EPHX2: variants seen among roughly 807,000 people sequenced by gnomAD.
The protein encoded by EPHX2 is epoxide hydrolase 2.
EPHX2 carries 74 observed loss-of-function variants against 78.7 expected under a neutral mutation model. That is an observed-to-expected ratio of 0.94 (90% CI 0.78 to 1.14). The LOEUF is 1.14. Among genes scored for constraint, EPHX2 ranks in the 50% most tolerant of loss-of-function variants. The pLI, the probability that EPHX2 is intolerant of heterozygous loss-of-function variation, is 0.00. For synonymous variants in EPHX2, 251 were observed against 255.2 expected (o/e 0.98, Z 0.16); for missense variants, 715 against 702.5 (o/e 1.02, Z -0.20).
Position 27,525,478 on chromosome 8 carries a change from G to C in EPHX2, c.1170+5G>C. Reference sequence around the variant, plus strand: ...CAGCTCTACTTCCAAGAACCAGTAAGTATGGCACCAAGGGCAACAATGGGA... The same window carrying C: ...CAGCTCTACTTCCAAGAACCAGTAACTATGGCACCAAGGGCAACAATGGGA... On this transcript the variant is annotated splice_donor_5th_base_variant and intron_variant, in intron 12 of 18. Transcript: ENST00000521400. 1.2e-6 allele frequency: 2 copies of C among 1,609,998 alleles called. No homozygotes were observed. The highest frequency in any genetic ancestry group is 1.7e-6 in the Non-Finnish European group (2 of 1,176,232).
rs1265070362 is a variant in EPHX2, at chr8:27,544,620, G to A, written c.*98G>A. ...AGGTGGCCTTACACACATCTTGCAT[G>A]GATGGCAGCATTGTTCTGAAGGGGT... On this transcript the variant is annotated 3_prime_UTR_variant, in exon 19 of 19. Coordinates refer to ENST00000521400, the MANE Select transcript of EPHX2 (RefSeq NM_001979.6). 3.4e-6 allele frequency: 4 copies of A among 1,193,934 alleles called. No homozygotes were observed. In the African/African-American group the frequency reaches 6.1e-5, roughly 18 times the overall value. 74.0% of individuals were successfully genotyped at this position (1,193,934 alleles called of 1,614,324 possible). A position where few individuals can be genotyped will look rare whatever the true frequency, so the allele number is the denominator to read the frequency against.
Position 27,533,842 on chromosome 8 carries a change from C to T in EPHX2, c.1171-2942C>T, listed in dbSNP as rs556697779. ...TGGCCTCAAAGTCCTCCTGCCTGGACCTCCCGAAGTGCTGGGATTACAGGC... is the reference window on the plus strand; with the variant it reads ...TGGCCTCAAAGTCCTCCTGCCTGGATCTCCCGAAGTGCTGGGATTACAGGC... On this transcript the variant is annotated intron_variant, in intron 12 of 18. Transcript: ENST00000521400. Among the ~76,000 whole-genome samples, 6 of 152,282 alleles carry T rather than the reference C, an allele frequency of 3.9e-5. No homozygotes were observed. In the South Asian group the frequency reaches 1.2e-3, roughly 32 times the overall value.
In EPHX2 at chr8:27,500,976, C is replaced by G; in HGVS notation, c.152C>G (p.Thr51Ser). 3 of 1,613,374 alleles carry G rather than the reference C, an allele frequency of 1.9e-6. No individual in the cohort carries two copies. In the Admixed American group the frequency reaches 5.0e-5, roughly 27 times the overall value. ...FQKGGPEGATTRLMKGEITLS... is the reference protein window; with the variant it reads ...FQKGGPEGATSRLMKGEITLS... ...AAAGGGGGACCAGAGGGTGCCACTA[C>G]CCGGCTTATGAAAGGAGAGATCACA... Residue 51 changes from threonine (T) to serine (S), a missense_variant, in exon 2 of 19, where the codon ACC (threonine) becomes AGC (serine). Transcript: ENST00000521400.
intron 2 of EPHX2, among the ~76,000 whole-genome samples, chr8:27,501,334 T>TTCTTCTTCC (rs1563340110): frequency 5.3e-5 from 4 of 76,138 alleles, no homozygotes; most frequent in South Asian, 4.3e-4. Context: ...TTTCTTCTTC[T>TTCTTCTTCC]TCTTCTTCTT....
At chr8:27,517,582 G>A (rs1163385211) in intron 8 of EPHX2, among the ~76,000 whole-genome samples, 1 of 152,232 alleles carries the variant, frequency 6.6e-6, no homozygotes, top group Non-Finnish European at 1.5e-5. Flanking sequence ...AAGCCCAGCA[G>A]TTGATCCACA....
chr8:27,540,565 G>A lies in EPHX2; in HGVS notation c.1288G>A (p.Val430Ile). The A allele has an allele frequency of 2.5e-6, 4 of 1,614,074 alleles. No individual in the cohort carries two copies. The highest frequency in any genetic ancestry group is 3.4e-6 in the Non-Finnish European group (4 of 1,179,948). ...HKVCEAGGLF[V>I]NSPEEPSLSR... ...GGCTTTTTTTGCAGGAGGACTTTTT[G>A]TAAATAGCCCAGAAGAGCCCAGCCT... The change falls in exon 15 of 19, where the codon GTA (valine) becomes ATA (isoleucine). Residue 430 changes from valine (V) to isoleucine (I), a missense_variant. Val to Ile is a conservative substitution (Grantham distance 29, BLOSUM62 3). Transcript: ENST00000521400.
chr8:27,534,586 G>A (rs1815151346), intron 12 of EPHX2, among the ~76,000 whole-genome samples: 1 of 152,156 alleles, frequency 6.6e-6, no homozygotes, highest in Non-Finnish European at 1.5e-5. Flanking sequence ...CATCTTGGCA[G>A]TGAGCTGAGA....
Position 27,525,118 on chromosome 8 carries a change from G to A in EPHX2, c.1059-244G>A, listed in dbSNP as rs559664199. 4.3e-4 allele frequency among the ~76,000 whole-genome samples: 65 copies of A among 151,244 alleles called. No homozygotes were observed. The South Asian group carries it at 0.011, about 25-fold the overall frequency. ...TGTGTGTGTGTGTGTGCGCGCGCGCGCGCGCACCTATGTGTCTAAGGCAAG... is the reference window on the plus strand; with the variant it reads ...TGTGTGTGTGTGTGTGCGCGCGCGCACGCGCACCTATGTGTCTAAGGCAAG... On this transcript the variant is annotated intron_variant, in intron 11 of 18. Transcript: ENST00000521400.
At chr8:27,517,081 G>C (rs1814484261) in intron 8 of EPHX2, among the ~76,000 whole-genome samples, 1 of 151,790 alleles carries the variant, frequency 6.6e-6, no homozygotes, top group Non-Finnish European at 1.5e-5. Context: ...CACCACACCT[G>C]GCTAATTTTT....
At chr8:27,491,348 C>A in intron 1 of EPHX2, 39 bp downstream of exon 1, 1 of 1,388,558 alleles carries the variant, frequency 7.2e-7, no homozygotes, top group Non-Finnish European at 9.4e-7. Context: ...TGGGTCGGGG[C>A]CTCAGGAGGC....
At chr8:27,522,940 G>A (rs1238969570) in intron 11 of EPHX2, among the ~76,000 whole-genome samples, 2 of 124,024 alleles carry the variant, frequency 1.6e-5, no homozygotes, top group African/African-American at 6.0e-5. Flanking sequence ...CAGCCTGGGT[G>A]ACAAGAGTGA....
intron 6 of EPHX2, among the ~76,000 whole-genome samples, chr8:27,513,929 C>G (rs1318531912): frequency 6.6e-6 from 1 of 152,220 alleles, no homozygotes. Context: ...GACTATGGAA[C>G]AAACTCTGAT....
At chr8:27,519,738 G>A (rs1406403754) in intron 9 of EPHX2, among the ~76,000 whole-genome samples, 1 of 152,196 alleles carries the variant, frequency 6.6e-6, no homozygotes, top group Non-Finnish European at 1.5e-5. Context: ...CACAGTTTTG[G>A]AGGCTGGAAG....
At chr8:27,536,709 T>G in intron 12 of EPHX2, 75 bp from the exon 13 acceptor site, 1 of 1,530,576 alleles carries the variant, frequency 6.5e-7, no homozygotes, top group Non-Finnish European at 9.0e-7. Flanking sequence ...CTTGTTGCTT[T>G]CAGTCAGATG....
At chr8:27,523,892 C>T (rs1385344252) in intron 11 of EPHX2, among the ~76,000 whole-genome samples, 2 of 151,522 alleles carry the variant, frequency 1.3e-5, no homozygotes, top group African/African-American at 2.4e-5. Context: ...AAGATAGCAA[C>T]GAGCTGTGTT....
chr8:27,495,478 C>T (rs2132706233), intron 1 of EPHX2, among the ~76,000 whole-genome samples: 1 of 152,294 alleles, frequency 6.6e-6, no homozygotes, highest in South Asian at 2.1e-4. Context: ...GTCTGGGCTA[C>T]AATTTGTTGG....
At chr8:27,494,797 C>T (rs1224800021) in intron 1 of EPHX2, among the ~76,000 whole-genome samples, 1 of 152,182 alleles carries the variant, frequency 6.6e-6, no homozygotes, top group Non-Finnish European at 1.5e-5. Context: ...GGTGGAGGGT[C>T]TTAAGTATTT....
chr8:27,512,823 C>A (rs764277144), intron 6 of EPHX2, among the ~76,000 whole-genome samples: 12 of 151,796 alleles, frequency 7.9e-5, no homozygotes, highest in Non-Finnish European at 1.6e-4. Flanking sequence ...TCAGTATCCA[C>A]AACTTCATAA....
At chr8:27,536,656 C>T in intron 12 of EPHX2, 128 bp from the exon 13 acceptor site, 2 of 845,552 alleles carry the variant, frequency 2.4e-6, no homozygotes, top group Non-Finnish European at 3.9e-6. Context: ...CAAATGGATG[C>T]TATTCTGATG....
Sources: gnomAD v4.1 joint callset for allele counts (sites outside exome capture counted in the v4.1 genomes callset) on GRCh38, gnomAD v4.1.1 for gene constraint, MANE v1.5 for transcripts, NCBI Gene and HGNC (gene_info 2026-07-23, HGNC 2026-07-21) for gene names.